The following ILRUN variants were observed in gnomAD, a reference collection of about 807,000 sequenced individuals.
ILRUN encodes inflammation and lipid regulator with UBA-like and NBR1-like domains, also known as protein ILRUN.
Under a neutral mutation model 33.8 loss-of-function variants are expected in ILRUN, and 3 were observed. That is an observed-to-expected ratio of 0.09 (90% CI 0.04 to 0.23). The LOEUF (loss-of-function observed/expected upper bound fraction) is 0.23. Among genes scored for constraint, ILRUN ranks in the 10% least tolerant of loss-of-function variants. The pLI is 1.00. For synonymous variants in ILRUN, 124 were observed against 138.9 expected (o/e 0.89, Z 0.75); for missense variants, 210 against 375.1 (o/e 0.56, Z 3.64).
chr6:34,605,386 G>A (rs549651152), intron 4 of ILRUN, among the ~76,000 whole-genome samples: 9 of 150,640 alleles, frequency 6.0e-5, no homozygotes, highest in Admixed American at 2.6e-4. Flanking sequence ...CCAGCACTTC[G>A]GGAGGCCAAG....
intron 1 of ILRUN, 82 bp downstream of exon 1, chr6:34,696,364 G>A (rs1434264749): frequency 1.4e-6 from 2 of 1,419,994 alleles, no homozygotes; most frequent in South Asian, 1.4e-5. Flanking sequence ...GGCTCGCCCT[G>A]CCGCCAAGCT....
At chr6:34,615,113 A>G (rs1761855950) in intron 3 of ILRUN, among the ~76,000 whole-genome samples, 1 of 152,230 alleles carries the variant, frequency 6.6e-6, no homozygotes, top group Non-Finnish European at 1.5e-5. Flanking sequence ...AGTTTAATTA[A>G]TAGTAATATA....
At chr6:34,617,269 A>C (rs1227731388) in intron 3 of ILRUN, 1 of 360,998 alleles carries the variant, frequency 2.8e-6, no homozygotes, top group Non-Finnish European at 5.3e-6. Context: ...GGCGTCTATC[A>C]TGATTATTTT....
Position 34,590,296 on chromosome 6 carries a change from T to TA in ILRUN, c.*268dup, listed in dbSNP as rs2127304721. 6.7e-6 allele frequency: 2 copies of TA among 300,234 alleles called. No homozygotes were observed. Among genetic ancestry groups the TA allele is most frequent in the South Asian group, 2.1e-4 (2 of 9,476 alleles). 18.6% of individuals were successfully genotyped at this position (300,234 alleles called of 1,614,324 possible). A position where few individuals can be genotyped will look rare whatever the true frequency, so the allele number is the denominator to read the frequency against. ...CTTCCCGAGTGACCTAATGACTTGT[T>TA]AGACTGATGCCTATAACAAAACCCA... On this transcript the variant is annotated 3_prime_UTR_variant, in exon 5 of 5. Coordinates refer to ENST00000374023, the MANE Select transcript of ILRUN (RefSeq NM_024294.4).
chr6:34,606,806 G>A lies in ILRUN; in HGVS notation c.610C>T (p.Arg204Cys), dbSNP rs1561999499. The A allele has an allele frequency of 7.4e-6, 12 of 1,614,128 alleles. No homozygotes were observed. The highest frequency in any genetic ancestry group is 1.3e-5 in the African/African-American group (1 of 75,028). Reference sequence around the variant, plus strand: ...GGGTTGAAGTTTCCTTCTACCTTACGATGCGGCTGTGTGTTGAACTCCGTT... The same window carrying A: ...GGGTTGAAGTTTCCTTCTACCTTACAATGCGGCTGTGTGTTGAACTCCGTT... ...FETEFNTQPH[R>C]KVEGNFNPFA... Residue 204 changes from arginine (R) to cysteine (C), a missense_variant, in exon 4 of 5, where the codon CGT becomes TGT. Coordinates refer to ENST00000374023, the MANE Select transcript of ILRUN (RefSeq NM_024294.4).
intron 1 of ILRUN, among the ~76,000 whole-genome samples, chr6:34,687,289 A>G (rs1581559456): frequency 6.6e-6 from 1 of 152,192 alleles, no homozygotes; most frequent in East Asian, 1.9e-4. Context: ...AAGATATACA[A>G]ATGGCCAAAA....
intron 2 of ILRUN, among the ~76,000 whole-genome samples, chr6:34,652,549 G>C (rs951006546): frequency 1.3e-5 from 2 of 152,156 alleles, no homozygotes; most frequent in African/African-American, 2.4e-5. Flanking sequence ...TAAAAGGCTG[G>C]TCTAGCCAGT....
At chr6:34,611,407 A>G (rs1312185320) in intron 3 of ILRUN, among the ~76,000 whole-genome samples, 1 of 152,208 alleles carries the variant, frequency 6.6e-6, no homozygotes, top group African/African-American at 2.4e-5. Context: ...AACAATAAAT[A>G]TCAGTTCTGA....
At chr6:34,620,198 GT>G (rs1761984987) in intron 3 of ILRUN, among the ~76,000 whole-genome samples, 2 of 152,076 alleles carry the variant, frequency 1.3e-5, no homozygotes, top group African/African-American at 4.8e-5. Flanking sequence ...ACGTAAATAA[GT>G]TTTGACTTAG....
At chr6:34,605,326 A>C (rs1296687875) in intron 4 of ILRUN, among the ~76,000 whole-genome samples, 34 of 143,322 alleles carry the variant, frequency 2.4e-4, no homozygotes, top group African/African-American at 7.1e-4. Flanking sequence ...AACAAAAAAA[A>C]AAAAAAAAAA....
intron 1 of ILRUN, among the ~76,000 whole-genome samples, chr6:34,681,726 T>A (rs79021550): frequency 0.013 from 1,938 of 152,290 alleles, 50 homozygotes; most frequent in African/African-American, 0.044. Context: ...CTAGATAGTT[T>A]ACTTATTAAC....
Position 34,661,588 on chromosome 6 carries a change from G to C in ILRUN, c.159-6809C>G, listed in dbSNP as rs572134720. Among the ~76,000 whole-genome samples, 25 of 152,234 alleles carry C rather than the reference G, an allele frequency of 1.6e-4. 1 individual carries two copies. The highest frequency in any genetic ancestry group is 3.4e-3 in the Middle Eastern group (1 of 294). ...GATAAAAGACCACTGCAAACATCTA[G>C]ATAAAACACACAGAGAAAGAAACCT... is the stretch of plus-strand genomic sequence containing the variant. On this transcript the variant is annotated intron_variant, in intron 1 of 4. Transcript: ENST00000374023.
At chr6:34,664,591 T>TAA (rs1187798319) in intron 1 of ILRUN, among the ~76,000 whole-genome samples, 1 of 152,224 alleles carries the variant, frequency 6.6e-6, no homozygotes, top group Non-Finnish European at 1.5e-5. Flanking sequence ...CCCCCTGAAT[T>TAA]AAACTGTCAT....
Position 34,601,244 on chromosome 6 carries a change from C to T in ILRUN, c.861+5311G>A, listed in dbSNP as rs1448404897. 1.2e-4 allele frequency among the ~76,000 whole-genome samples: 18 copies of T among 152,154 alleles called. No individual in the cohort carries two copies. In the South Asian group the frequency reaches 2.1e-3, roughly 18 times the overall value. On this transcript the variant is annotated intron_variant, in intron 4 of 4. Transcript: ENST00000374023. ...AAAAAGTCCTCAGCACAGTGCCTGGCGCATAACTGCTCAATCAATGATAGT... is the reference window on the plus strand; with the variant it reads ...AAAAAGTCCTCAGCACAGTGCCTGGTGCATAACTGCTCAATCAATGATAGT...
At chr6:34,650,130 A>C (rs1762631072) in intron 2 of ILRUN, among the ~76,000 whole-genome samples, 1 of 152,194 alleles carries the variant, frequency 6.6e-6, no homozygotes, top group South Asian at 2.1e-4. Context: ...TATTCACTAC[A>C]ATTGTACAAC....
At chr6:34,683,443 T>TATATATACAC in intron 1 of ILRUN, among the ~76,000 whole-genome samples, 1 of 73,304 alleles carries the variant, frequency 1.4e-5, no homozygotes, top group South Asian at 3.9e-4. Flanking sequence ...TATATATACA[T>TATATATACAC]ATATATATAC....
chr6:34,625,463 ATGT>A (rs1409176697), intron 3 of ILRUN, among the ~76,000 whole-genome samples: 12 of 152,294 alleles, frequency 7.9e-5, no homozygotes, highest in African/African-American at 2.6e-4. Context: ...CCCACATCTG[ATGT>A]GCAGAGTAGA....
chr6:34,653,239 A>AT (rs199892713), intron 2 of ILRUN, among the ~76,000 whole-genome samples: 4,621 of 150,660 alleles, frequency 0.031, 194 homozygotes, highest in African/African-American at 0.09. Context: ...TTTATTTTTA[A>AT]TTTTTTTTTG....
At chr6:34,688,959 C>T (rs1250728923) in intron 1 of ILRUN, among the ~76,000 whole-genome samples, 1 of 147,570 alleles carries the variant, frequency 6.8e-6, no homozygotes, top group African/African-American at 2.5e-5. Context: ...GAAACTCCAT[C>T]TCAAAAAAGA....
Sources: gnomAD v4.1 joint callset for allele counts (sites outside exome capture counted in the v4.1 genomes callset) on GRCh38, gnomAD v4.1.1 for gene constraint, MANE v1.5 for transcripts, NCBI Gene and HGNC (gene_info 2026-07-23, HGNC 2026-07-21) for gene names.